Variants in FAT3 observed in about 807,000 individuals in gnomAD.
FAT3 encodes the protein FAT atypical cadherin 3, also known as protocadherin Fat 3.
Under a neutral mutation model 310.2 loss-of-function variants are expected in FAT3, and 95 were observed. The ratio of observed to expected loss-of-function variants is 0.31; its 90% CI spans 0.26 to 0.36. The LOEUF is 0.36. FAT3 is among the 10% of genes least tolerant of loss of function. The probability of loss-of-function intolerance (pLI) is 1.00; values close to 1 mark genes in which losing one functional copy is unlikely to be tolerated. For synonymous variants in FAT3, 2,314 were observed against 2,192.9 expected, an observed-to-expected ratio of 1.06 and a Z score of -1.54; for missense variants, 5,408 against 5,715.6, an observed-to-expected ratio of 0.95 and a Z score of 1.74.
chr11:92,366,677 G>T, intron 2 of FAT3: 1 of 535,150 alleles, frequency 1.9e-6, no homozygotes. Flanking sequence ...CTTGACAATG[G>T]TTGGAAGGCT....
chr11:92,768,642 G>A (rs750452014), intron 6 of FAT3, among the ~76,000 whole-genome samples: 11 of 151,924 alleles, frequency 7.2e-5, no homozygotes, highest in East Asian at 1.9e-4. Context: ...TCCTCCTTAC[G>A]TAAGCATCTT....
At chr11:92,827,948 A>G (rs1341341572) in intron 13 of FAT3, among the ~76,000 whole-genome samples, 1 of 152,212 alleles carries the variant, frequency 6.6e-6, no homozygotes, top group Non-Finnish European at 1.5e-5. Flanking sequence ...GCATTTCAGC[A>G]TTTAAAGAAG....
intron 3 of FAT3, among the ~76,000 whole-genome samples, chr11:92,629,476 C>G (rs1941468619): frequency 6.7e-6 from 1 of 148,226 alleles, no homozygotes; most frequent in African/African-American, 2.5e-5. Flanking sequence ...GGCTGCTAGG[C>G]TGGAGTATGG....
intron 2 of FAT3, among the ~76,000 whole-genome samples, chr11:92,356,544 T>G (rs566532858): frequency 1.4e-4 from 21 of 152,312 alleles, no homozygotes; most frequent in African/African-American, 4.8e-4. Context: ...TCTTCTGGGC[T>G]TGCCAACTAC....
chr11:92,688,801 T>G (rs1943709647), intron 3 of FAT3, among the ~76,000 whole-genome samples: 1 of 152,124 alleles, frequency 6.6e-6, no homozygotes, highest in Non-Finnish European at 1.5e-5. Flanking sequence ...TTATATATTA[T>G]CCTCTCAAAA....
chr11:92,733,286 A>C (rs933988326), intron 4 of FAT3, among the ~76,000 whole-genome samples: 4 of 152,140 alleles, frequency 2.6e-5, no homozygotes, highest in African/African-American at 4.8e-5. Flanking sequence ...GACTCAAGTG[A>C]ACTGGGCACA....
intron 1 of FAT3, among the ~76,000 whole-genome samples, chr11:92,310,646 C>T (rs968220886): frequency 2.7e-5 from 4 of 149,578 alleles, no homozygotes; most frequent in African/African-American, 7.6e-5. Flanking sequence ...TGTGTATATA[C>T]GTGTGTGTGT....
intron 3 of FAT3, among the ~76,000 whole-genome samples, chr11:92,684,399 A>C (rs1289761927): frequency 1.3e-5 from 2 of 152,192 alleles, no homozygotes; most frequent in African/African-American, 4.8e-5. Context: ...CCTGGACATG[A>C]GTGCCCAGCA....
chr11:92,542,455 G>C (rs1413011504), intron 3 of FAT3, among the ~76,000 whole-genome samples: 5 of 151,534 alleles, frequency 3.3e-5, no homozygotes, highest in Non-Finnish European at 7.4e-5. Context: ...TAATAAATAG[G>C]GTATATTAGG....
At position 92,613,931 on chromosome 11, in the gene FAT3, C is replaced by T. The variant is rs151323268; in HGVS notation, c.3608-83453C>T. On this transcript the variant is annotated intron_variant, in intron 3 of 27. Coordinates refer to ENST00000525166, the MANE Select transcript of FAT3 (RefSeq NM_001367949.2). ...TTTAATCCCCCCAGACTTCAGCAAC[C>T]ATATGTCTATTTTCTGTCTCTGTAC... 2.7e-3 allele frequency among the ~76,000 whole-genome samples: 413 copies of T among 152,228 alleles called. 2 individuals are homozygous for T. Among genetic ancestry groups the T allele is most frequent in the African/African-American group, 9.4e-3 (389 of 41,542 alleles).
intron 3 of FAT3, among the ~76,000 whole-genome samples, chr11:92,533,357 G>A (rs1365532334): frequency 6.6e-6 from 1 of 152,022 alleles, no homozygotes; most frequent in East Asian, 1.9e-4. Flanking sequence ...CTTCCAGTAC[G>A]TCATAGGATT....
intron 2 of FAT3, among the ~76,000 whole-genome samples, chr11:92,496,604 G>T (rs1361162085): frequency 2.0e-5 from 3 of 151,980 alleles, no homozygotes; most frequent in Non-Finnish European, 2.9e-5. Flanking sequence ...GTGCTGCTAG[G>T]TTGTAACCGT....
chr11:92,336,808 A>G (rs1402382487), intron 1 of FAT3, among the ~76,000 whole-genome samples: 1 of 152,224 alleles, frequency 6.6e-6, no homozygotes, highest in African/African-American at 2.4e-5. Flanking sequence ...AAACTCGAGT[A>G]GGAGAAGTAG....
At chr11:92,564,161 A>G (rs1458907787) in intron 3 of FAT3, among the ~76,000 whole-genome samples, 2 of 152,202 alleles carry the variant, frequency 1.3e-5, no homozygotes, top group Non-Finnish European at 2.9e-5. Context: ...GCAGAGACAC[A>G]CATAGGCTCA....
intron 17 of FAT3, among the ~76,000 whole-genome samples, chr11:92,839,748 A>G (rs1407796108): frequency 6.6e-6 from 1 of 152,194 alleles, no homozygotes; most frequent in Non-Finnish European, 1.5e-5. Context: ...CTGAAGTCTA[A>G]ACAGAGTAGG....
intron 2 of FAT3, among the ~76,000 whole-genome samples, chr11:92,510,457 G>A (rs1953255369): frequency 1.3e-5 from 2 of 152,116 alleles, no homozygotes; most frequent in Admixed American, 1.3e-4. Context: ...GTCACTCCCA[G>A]CTTGGTACTC....
chr11:92,883,047 C>G lies in FAT3; in HGVS notation c.12591C>G (p.Thr4197=), dbSNP rs1015463285. The part of the protein sequence containing the change: ...NNITLVQDPA[T]AALLNKSNGI... ...TCACGCTAGTGCAGGACCCGGCCAC[C>G]GCCGCCCTGCTTAACAAGAGCAATG... The change falls in exon 24 of 28, where the codon ACC becomes ACG. Residue 4197 remains threonine, a synonymous_variant. Coordinates refer to ENST00000525166, the MANE Select transcript of FAT3 (RefSeq NM_001367949.2). The surrounding 1 kb of genome is among the most constrained non-coding windows in gnomAD (Gnocchi z 4.2). 1 of 1,613,876 alleles carries G rather than the reference C, an allele frequency of 6.2e-7. No homozygotes were observed.
chr11:92,522,222 C>T (rs1471245667), intron 2 of FAT3, among the ~76,000 whole-genome samples: 10 of 152,146 alleles, frequency 6.6e-5, no homozygotes, highest in Admixed American at 6.5e-4. Flanking sequence ...CTTGTCTGTT[C>T]TATGACTTGC....
intron 3 of FAT3, among the ~76,000 whole-genome samples, chr11:92,541,112 C>T (rs577759308): frequency 4.6e-5 from 7 of 152,278 alleles, no homozygotes; most frequent in South Asian, 2.1e-4. Context: ...TTCATTTATT[C>T]GCTCAACATT....
Sources: gnomAD v4.1 joint callset for allele counts (sites outside exome capture counted in the v4.1 genomes callset) on GRCh38, gnomAD v4.1.1 for gene constraint, Gnocchi (gnomAD v3.1) non-coding constraint, MANE v1.5 for transcripts, NCBI Gene and HGNC (gene_info 2026-07-23, HGNC 2026-07-21) for gene names.